Variants in HPS4 observed in about 807,000 individuals in gnomAD.
The protein encoded by HPS4 is HPS4 biogenesis of lysosomal organelles complex 3 subunit 2, also known as BLOC-3 complex member HPS4.
HPS4 carries 44 observed loss-of-function variants against 70.3 expected under a neutral mutation model. The ratio of observed to expected loss-of-function variants is 0.63; its 90% CI spans 0.49 to 0.80. The LOEUF is 0.80. HPS4 is among the 30% of genes least tolerant of loss of function. The probability of loss-of-function intolerance (pLI) is 0.00; values close to 1 mark genes in which losing one functional copy is unlikely to be tolerated. For missense variants in HPS4, 873 were observed against 884.4 expected, an observed-to-expected ratio of 0.99 and a Z score of 0.16; for synonymous variants, 377 against 355.9, an observed-to-expected ratio of 1.06 and a Z score of -0.67.
At chr22:26,470,606 GC>G (rs530270738) in intron 7 of HPS4, 112 bp downstream of exon 7, 2 of 1,003,428 alleles carry the variant, frequency 2.0e-6, no homozygotes, top group South Asian at 2.7e-5. Context: ...TGCCGAACCA[GC>G]CCACTTGGAA....
rs115032102 is a variant in HPS4 at position 26,462,441 on chromosome 22, T to C, written c.1713+1476A>G. On this transcript the variant is annotated intron_variant, in intron 11 of 13. Transcript: ENST00000398145. ...TTCTGGACCTGCCACTTGCAGGAAG[T>C]CTTTTCATCTCAATGAGGCTGTTTT... Among the ~76,000 whole-genome samples the C allele has an allele frequency of 2.9e-3, 439 of 152,364 alleles. 3 individuals carry two copies. The highest frequency in any genetic ancestry group is 1.0e-2 in the African/African-American group (415 of 41,578).
exon 4 of HPS4, chr22:26,444,635 C>T (rs565973547): frequency 2.0e-5 from 3 of 152,256 alleles, no homozygotes; most frequent in East Asian, 3.9e-4. Context: ...TACAGCTGGT[C>T]GCAGGTGCAG....
rs1463194812 is a variant in HPS4 at position 26,451,998 on chromosome 22, GCGCGCGCACACACACACACACACA to G, written c.*1211_*1234del. 1.6e-3 allele frequency: 100 copies of G among 61,398 alleles called. No homozygotes were observed. The highest frequency in any genetic ancestry group is 2.7e-3 in the Non-Finnish European group (77 of 28,610). 3.8% of individuals were successfully genotyped at this position (61,398 alleles called of 1,614,324 possible). A position where few individuals can be genotyped will look rare whatever the true frequency, so the allele number is the denominator to read the frequency against. On this transcript the variant is annotated 3_prime_UTR_variant, in exon 14 of 14. Transcript: ENST00000398145. The stretch of plus-strand genomic sequence containing the variant: ...ATGCGCCCACGTTACGCGCGCGCGC[GCGCGCGCACACACACACACACACA>G]CACACACACACACACACACACTGTC...
chr22:26,460,970 A>C (rs1274061021), intron 11 of HPS4, among the ~76,000 whole-genome samples: 2 of 152,272 alleles, frequency 1.3e-5, no homozygotes, highest in Non-Finnish European at 2.9e-5. Context: ...AAAGCTGTGC[A>C]AAGCTGAAAA....
downstream of HPS4, among the ~76,000 whole-genome samples, chr22:26,449,408 GC>G (rs1881661157): frequency 7.0e-6 from 1 of 143,436 alleles, no homozygotes; most frequent in Non-Finnish European, 1.5e-5. Context: ...TCGGCTCACT[GC>G]AACCTCCGCC....
At chr22:26,449,936 T>A (rs2085087160), downstream of HPS4, among the ~76,000 whole-genome samples, 1 of 152,240 alleles carries the variant, frequency 6.6e-6, no homozygotes, top group Non-Finnish European at 1.5e-5. Flanking sequence ...CTCCGCACAC[T>A]CTAGGGCAGA....
chr22:26,470,457 C>T (rs934959772), intron 7 of HPS4, among the ~76,000 whole-genome samples: 5 of 152,248 alleles, frequency 3.3e-5, no homozygotes, highest in Non-Finnish European at 4.4e-5. Context: ...ACAACTATTC[C>T]AGCATGCCCC....
At chr22:26,468,650 C>T (rs762822663) in intron 7 of HPS4, 27 bp from the exon 8 acceptor site, 90 of 1,600,868 alleles carry the variant, frequency 5.6e-5, no homozygotes, top group Non-Finnish European at 1.4e-5. Flanking sequence ...AGAACAAGAA[C>T]ACCATGAGAC....
chr22:26,447,193 C>T (rs1373959611), downstream of HPS4, among the ~76,000 whole-genome samples: 2 of 152,130 alleles, frequency 1.3e-5, no homozygotes, highest in East Asian at 1.9e-4. Flanking sequence ...GGGCTGGACA[C>T]GTGATCCAAG....
At position 26,463,913 on chromosome 22, in the gene HPS4, T is replaced by G; in HGVS notation, c.1713+4A>C. ...GGGGCAGGAGAAGGTCTGAGGACAC[T>G]CACCACTTCCTCTATGGCTGCGCTG... is the stretch of plus-strand genomic sequence containing the variant. On this transcript the variant is annotated splice_donor_region_variant and intron_variant, in intron 11 of 13. Transcript: ENST00000398145. 6.2e-7 allele frequency: 1 copy of G among 1,612,680 alleles called. No homozygotes were observed. The highest frequency in any genetic ancestry group is 8.5e-7 in the Non-Finnish European group (1 of 1,179,920).
downstream of HPS4, among the ~76,000 whole-genome samples, chr22:26,447,730 T>C (rs1028452692): frequency 6.6e-6 from 1 of 152,010 alleles, no homozygotes; most frequent in Non-Finnish European, 1.5e-5. Flanking sequence ...TGCTGACAGA[T>C]GGCAGGGAAA....
At chr22:26,456,196 G>A (rs577942242) in intron 13 of HPS4, among the ~76,000 whole-genome samples, 1 of 152,128 alleles carries the variant, frequency 6.6e-6, no homozygotes, top group Non-Finnish European at 1.5e-5. Flanking sequence ...CCCTCACACT[G>A]GACCACACTG....
intron 7 of HPS4, among the ~76,000 whole-genome samples, chr22:26,469,410 T>C (rs143571916): frequency 4.2e-4 from 64 of 152,082 alleles, no homozygotes; most frequent in African/African-American, 1.4e-3. Context: ...TTTATGCCAC[T>C]ACACTACAGC....
At chr22:26,450,315 G>C (rs543674804), downstream of HPS4, among the ~76,000 whole-genome samples, 1 of 152,192 alleles carries the variant, frequency 6.6e-6, no homozygotes, top group Non-Finnish European at 1.5e-5. Context: ...CACCCACCCC[G>C]AGCAGGGCGG....
Position 26,482,074 on chromosome 22 carries a change from G to A in HPS4, c.-312C>T, listed in dbSNP as rs2091338704. 5 of 382,300 alleles carry A rather than the reference G, an allele frequency of 1.3e-5. 1 individual carries two copies. The highest frequency in any genetic ancestry group is 6.9e-5 in the South Asian group (3 of 43,218). The allele number at this position is 382,300 out of a possible 1,614,324, so 23.7% of individuals were successfully genotyped here. On this transcript the variant is annotated 5_prime_UTR_variant, in exon 2 of 14. An upstream open reading frame in the 5' UTR gains an earlier in-frame stop. Coordinates refer to ENST00000398145, the MANE Select transcript of HPS4 (RefSeq NM_022081.6). ...TGGTTTCCTAAGTATCACTGTGGCT[G>A]TCTGCAGAACCACCTCTTCAAGCTC...
At chr22:26,475,159 C>G (rs970434645) in intron 4 of HPS4, among the ~76,000 whole-genome samples, 1 of 152,062 alleles carries the variant, frequency 6.6e-6, no homozygotes, top group African/African-American at 2.4e-5. Context: ...CTTAATATCC[C>G]CAACTGGACA....
chr22:26,445,922 G>T (rs2084938112), downstream of HPS4, among the ~76,000 whole-genome samples: 1 of 152,160 alleles, frequency 6.6e-6, no homozygotes, highest in Non-Finnish European at 1.5e-5. Context: ...GGGTCTCCCA[G>T]CCAGGAGCCC....
chr22:26,464,115 AC>A lies in HPS4; in HGVS notation c.1514del (p.Gly505ValfsTer25). ...DGVCESHAAP[G>X]LECSSGSANC... is the part of the protein sequence containing the mutation. ...TTGCTGAGCCTGAACTGCATTCCAG[AC>A]CAGGGGCTGCGTGGCTTTCACAGAC... On this transcript the variant is annotated frameshift_variant, in exon 11 of 14. Transcript: ENST00000398145. LOFTEE classifies it high-confidence loss of function. 1 of 1,614,210 alleles carries A rather than the reference AC, an allele frequency of 6.2e-7. No individual in the cohort carries two copies. Among genetic ancestry groups the A allele is most frequent in the Non-Finnish European group, 8.5e-7 (1 of 1,180,032 alleles).
intron 7 of HPS4, among the ~76,000 whole-genome samples, chr22:26,470,132 A>G (rs1470267016): frequency 6.6e-6 from 1 of 152,250 alleles, no homozygotes; most frequent in Non-Finnish European, 1.5e-5. Flanking sequence ...CTGTGACAGC[A>G]AACCCTCCAT....
Sources: allele counts gnomAD v4.1 joint callset (sites outside exome capture counted in the v4.1 genomes callset), GRCh38; gene constraint gnomAD v4.1.1; transcripts MANE v1.5; gene names NCBI Gene and HGNC (gene_info 2026-07-23, HGNC 2026-07-21).